Variants in ZBTB1 observed in about 807,000 individuals in gnomAD.
ZBTB1 encodes zinc finger and BTB domain-containing protein 1.
A neutral mutation model predicts 51.6 loss-of-function variants in ZBTB1; 13 were observed. That is an observed-to-expected ratio of 0.25 (90% CI 0.16 to 0.40). The LOEUF is 0.40. ZBTB1 is among the 10% of genes least tolerant of loss of function. The probability of loss-of-function intolerance (pLI) is 1.00; values close to 1 mark genes in which losing one functional copy is unlikely to be tolerated. For synonymous variants in ZBTB1, 240 were observed against 282.2 expected (o/e 0.85, Z 1.50); for missense variants, 567 against 856.5 (o/e 0.66, Z 4.22).
Position 64,524,757 on chromosome 14 carries a change from A to T in ZBTB1, c.*1111A>T, listed in dbSNP as rs1953126933. The T allele has an allele frequency of 2.0e-6, 2 of 981,724 alleles. No individual in the cohort carries two copies. Among genetic ancestry groups the T allele is most frequent in the Non-Finnish European group, 2.4e-6 (2 of 826,596 alleles). 60.8% of individuals were successfully genotyped at this position (981,724 alleles called of 1,614,324 possible). On this transcript the variant is annotated 3_prime_UTR_variant, in exon 2 of 2. Transcript: ENST00000683701. ...CAGTTTATCGCCATATTTTATTATC[A>T]TTTTTTTCTGTAAAAGACTATAAAA...
intron 1 of ZBTB1, among the ~76,000 whole-genome samples, chr14:64,518,904 G>GTATATATATATATATA (rs71123855): frequency 0.015 from 1,424 of 94,880 alleles, 48 homozygotes; most frequent in African/African-American, 0.027. Context: ...TTGCAGAGAG[G>GTATATATATATATATA]TATATATATA....
Position 64,523,225 on chromosome 14 carries a change from A to G in ZBTB1, c.1721A>G (p.His574Arg). The G allele has an allele frequency of 6.2e-7, 1 of 1,614,220 alleles. No homozygotes were observed. The highest frequency in any genetic ancestry group is 8.5e-7 in the Non-Finnish European group (1 of 1,180,030). Residue 574 changes from histidine (H) to arginine (R), a missense_variant, in exon 2 of 2, where the codon CAC (histidine) becomes CGC (arginine). Physicochemically the swap from His to Arg is conservative, Grantham distance 29. Transcript: ENST00000683701. The surrounding 1 kb of genome is among the most constrained non-coding windows in gnomAD (Gnocchi z 4.5). ...SAIMEENERD[H>R]RRKHFCNLCG... ...ATCATGGAAGAAAATGAAAGAGATC[A>G]CAGACGAAAGCATTTTTGTAATCTG...
At chr14:64,517,888 C>T (rs780238951) in intron 1 of ZBTB1, among the ~76,000 whole-genome samples, 1 of 147,564 alleles carries the variant, frequency 6.8e-6, no homozygotes, top group South Asian at 2.1e-4. Flanking sequence ...GGCTGGAGTA[C>T]AGTGGCATGA....
intron 1 of ZBTB1, among the ~76,000 whole-genome samples, chr14:64,507,539 G>A (rs1189805053): frequency 2.0e-5 from 3 of 152,212 alleles, no homozygotes; most frequent in Admixed American, 1.3e-4. Context: ...GATCACAGCT[G>A]TGTGTGCCTC....
intron 2 of ZBTB1, among the ~76,000 whole-genome samples, chr14:64,531,457 TA>T (rs2079941415): frequency 2.0e-5 from 3 of 152,144 alleles, no homozygotes; most frequent in African/African-American, 7.2e-5. Flanking sequence ...ATATGAACTT[TA>T]AAAAAATTGT....
intron 2 of ZBTB1, among the ~76,000 whole-genome samples, chr14:64,531,312 A>AATC (rs2079940434): frequency 6.6e-6 from 1 of 152,194 alleles, no homozygotes; most frequent in Non-Finnish European, 1.5e-5. Context: ...TTTTACTCAG[A>AATC]ATCACTAGGG....
chr14:64,525,846 G>A (rs180865424), downstream of ZBTB1, among the ~76,000 whole-genome samples: 17 of 151,684 alleles, frequency 1.1e-4, no homozygotes, highest in Non-Finnish European at 2.1e-4. Flanking sequence ...TTTTTGAGAC[G>A]GAGTCTTACT....
intron 2 of ZBTB1, among the ~76,000 whole-genome samples, chr14:64,531,382 C>CGTGTATGTG (rs2079940905): frequency 1.3e-5 from 2 of 151,824 alleles, no homozygotes; most frequent in South Asian, 4.2e-4. Context: ...TTCTTTTGTG[C>CGTGTATGTG]GTGTATGTGT....
In ZBTB1 at chr14:64,532,192, A is replaced by G. The variant is rs2079947054; in HGVS notation, c.*295A>G. On this transcript the variant is annotated 3_prime_UTR_variant, in exon 3 of 3. Coordinates refer to the ZBTB1 transcript ENST00000358738. ...CATCAGTGGTTACAGCTATACTAAA[A>G]TAAAACTTTATATGCTAATTATCTT... The G allele has an allele frequency of 2.0e-5, 5 of 255,658 alleles. No homozygotes were observed. The South Asian group carries it at 4.2e-4, about 22-fold the overall frequency. 15.8% of individuals were successfully genotyped at this position (255,658 alleles called of 1,614,324 possible).
At chr14:64,525,670 A>G (rs2079898496), downstream of ZBTB1, among the ~76,000 whole-genome samples, 1 of 152,178 alleles carries the variant, frequency 6.6e-6, no homozygotes, top group Non-Finnish European at 1.5e-5. Context: ...ACGATTATCT[A>G]TTCCATTAGG....
Position 64,524,881 on chromosome 14 carries a change from T to A in ZBTB1, c.*1235T>A. ...ATTGTTAGTTGTTGCTGACACAGGG[T>A]CTACATAATTACATGTGAATTAAAA... On this transcript the variant is annotated 3_prime_UTR_variant, in exon 2 of 2. Coordinates refer to ENST00000683701, the MANE Select transcript of ZBTB1 (RefSeq NM_001123329.2). The A allele has an allele frequency of 1.0e-6, 1 of 985,338 alleles. No individual in the cohort carries two copies. Among genetic ancestry groups the A allele is most frequent in the Non-Finnish European group, 1.2e-6 (1 of 829,884 alleles). 61.0% of individuals were successfully genotyped at this position (985,338 alleles called of 1,614,324 possible).
intron 1 of ZBTB1, among the ~76,000 whole-genome samples, chr14:64,515,555 C>G (rs1373809915): frequency 2.1e-5 from 3 of 143,184 alleles, no homozygotes; most frequent in Non-Finnish European, 4.5e-5. Flanking sequence ...GAGTCTTGCT[C>G]TGTCGCCCAG....
At chr14:64,504,763 G>T, upstream of ZBTB1, 1 of 377,152 alleles carries the variant, frequency 2.7e-6, no homozygotes, top group Non-Finnish European at 4.7e-6. Context: ...GGCAGCGGAA[G>T]TCCTTTGTTG....
At chr14:64,509,486 G>A (rs1157373772) in intron 1 of ZBTB1, among the ~76,000 whole-genome samples, 5 of 152,204 alleles carry the variant, frequency 3.3e-5, no homozygotes, top group Admixed American at 2.0e-4. Flanking sequence ...TAGGTTATTT[G>A]GGATCGGGGG....
intron 1 of ZBTB1, among the ~76,000 whole-genome samples, chr14:64,506,639 G>A (rs1428908116): frequency 6.6e-6 from 1 of 152,232 alleles, no homozygotes. Flanking sequence ...AGAGTCTTCA[G>A]TTAACCTCTT....
chr14:64,516,598 A>G (rs2079788929), intron 1 of ZBTB1: 1 of 152,274 alleles, frequency 6.6e-6, no homozygotes, highest in African/African-American at 2.4e-5. Context: ...TTTCTACTAC[A>G]GCATGATGCC....
intron 1 of ZBTB1, among the ~76,000 whole-genome samples, chr14:64,506,228 C>T (rs1182527391): frequency 6.6e-6 from 1 of 152,026 alleles, no homozygotes; most frequent in Non-Finnish European, 1.5e-5. Flanking sequence ...GGGGGTTCCT[C>T]CTCTTAAAGA....
chr14:64,522,293 C>T lies in ZBTB1; in HGVS notation c.789C>T (p.Asn263=), dbSNP rs920840885. ...IVDIRDGKDS[N]IKAEFGEKDS... Reference sequence around the variant, plus strand: ...ATATTAGAGATGGAAAAGACAGTAACATCAAAGCTGAATTTGGTGAAAAAG... The same window carrying T: ...ATATTAGAGATGGAAAAGACAGTAATATCAAAGCTGAATTTGGTGAAAAAG... Residue 263 remains asparagine (N), a synonymous_variant, in exon 2 of 2, where the codon AAC becomes AAT. Coordinates refer to ENST00000683701, the MANE Select transcript of ZBTB1 (RefSeq NM_001123329.2). The T allele has an allele frequency of 1.2e-6, 2 of 1,614,150 alleles. No individual in the cohort carries two copies. Among genetic ancestry groups the T allele is most frequent in the Non-Finnish European group, 1.7e-6 (2 of 1,180,022 alleles).
intron 1 of ZBTB1, chr14:64,516,785 T>G (rs2079791141): frequency 6.6e-6 from 1 of 152,266 alleles, no homozygotes; most frequent in South Asian, 2.1e-4. Flanking sequence ...TGAATAAATG[T>G]GCATTAAAAT....
Sources: gnomAD v4.1 joint callset for allele counts (sites outside exome capture counted in the v4.1 genomes callset) on GRCh38, gnomAD v4.1.1 for gene constraint, Gnocchi (gnomAD v3.1) non-coding constraint, MANE v1.5 for transcripts, NCBI Gene and HGNC (gene_info 2026-07-23, HGNC 2026-07-21) for gene names.